The following WWOX variants were observed in gnomAD, a reference collection of about 807,000 sequenced individuals.
WWOX encodes WW domain containing oxidoreductase.
In WWOX, 69 loss-of-function variants were observed where a neutral mutation model predicts 46.2. The ratio of observed to expected loss-of-function variants is 1.49; its 90% CI spans 1.23 to 1.82. WWOX has a LOEUF of 1.82. Among genes scored for constraint, WWOX ranks in the 40% most tolerant of loss-of-function variants. The probability of loss-of-function intolerance (pLI) is 0.00; values close to 1 mark genes in which losing one functional copy is unlikely to be tolerated. For missense variants in WWOX, 919 were observed against 542.6 expected (o/e 1.69, Z -6.89); for synonymous variants, 359 against 202.6 (o/e 1.77, Z -6.56).
chr16:78,968,534 G>T (rs17636262), intron 8 of WWOX, among the ~76,000 whole-genome samples: 1 of 152,042 alleles, frequency 6.6e-6, no homozygotes, highest in Non-Finnish European at 1.5e-5. Context: ...GGGACATTAT[G>T]ATGACTGTTA....
At chr16:78,314,538 T>C (rs2080315869) in intron 5 of WWOX, among the ~76,000 whole-genome samples, 1 of 149,754 alleles carries the variant, frequency 6.7e-6, no homozygotes, top group Non-Finnish European at 1.5e-5. Flanking sequence ...TTTTTTTTTT[T>C]TTTGAGTCGG....
intron 5 of WWOX, among the ~76,000 whole-genome samples, chr16:78,263,007 C>T (rs1203078561): frequency 2.0e-5 from 3 of 152,188 alleles, no homozygotes; most frequent in Non-Finnish European, 4.4e-5. Context: ...TCAGGGCATG[C>T]TCTGTCTCCA....
chr16:78,796,968 G>T (rs140073557), intron 8 of WWOX, among the ~76,000 whole-genome samples: 3 of 152,038 alleles, frequency 2.0e-5, no homozygotes, highest in African/African-American at 7.3e-5. Flanking sequence ...TGGGATTATA[G>T]GCATGAGCCA....
chr16:78,147,092 A>C (rs1341834893), intron 4 of WWOX, among the ~76,000 whole-genome samples: 1 of 152,254 alleles, frequency 6.6e-6, no homozygotes, highest in Non-Finnish European at 1.5e-5. Flanking sequence ...AAACTTTAAA[A>C]AGTAATTATC....
intron 8 of WWOX, among the ~76,000 whole-genome samples, chr16:78,903,719 C>T (rs549258552): frequency 6.6e-6 from 1 of 152,184 alleles, no homozygotes; most frequent in Non-Finnish European, 1.5e-5. Flanking sequence ...AGGCACGTGT[C>T]TTCTTCAAGC....
intron 8 of WWOX, among the ~76,000 whole-genome samples, chr16:78,811,162 C>T (rs1378675717): frequency 6.6e-6 from 1 of 152,140 alleles, no homozygotes. Flanking sequence ...AATTCAGTAT[C>T]CGAAAAACAA....
At chr16:78,854,392 A>G (rs935888228) in intron 8 of WWOX, among the ~76,000 whole-genome samples, 2 of 152,240 alleles carry the variant, frequency 1.3e-5, no homozygotes, top group Admixed American at 6.5e-5. Context: ...ATTATCATGA[A>G]ACACATTCTA....
rs572261983 is a variant in WWOX, at chr16:78,947,213, C to T, written c.1057-264395C>T. ...TAACAATGAAATAAATTAGGATAAT[C>T]CAACTGGAGGCCTGCAAATGAGTTT... On this transcript the variant is annotated intron_variant, in intron 8 of 8. Transcript: ENST00000566780. Among the ~76,000 whole-genome samples the T allele has an allele frequency of 3.9e-5, 6 of 151,916 alleles. No homozygotes were observed. In the South Asian group the frequency reaches 6.3e-4, roughly 16 times the overall value.
chr16:78,709,369 G>A (rs1048147897), intron 8 of WWOX, among the ~76,000 whole-genome samples: 14 of 152,216 alleles, frequency 9.2e-5, no homozygotes, highest in Admixed American at 2.6e-4. Flanking sequence ...AGGAAAGCCC[G>A]CGATTCTCGG....
At chr16:79,142,196 A>T (rs781520996) in intron 8 of WWOX, among the ~76,000 whole-genome samples, 1 of 152,160 alleles carries the variant, frequency 6.6e-6, no homozygotes, top group South Asian at 2.1e-4. Flanking sequence ...GAGGTGACCA[A>T]GCAGACATGG....
intron 5 of WWOX, among the ~76,000 whole-genome samples, chr16:78,185,605 A>C (rs995520446): frequency 6.6e-6 from 1 of 152,032 alleles, no homozygotes; most frequent in East Asian, 1.9e-4. Context: ...AATGCTGGAG[A>C]TATGCGTTCA....
At chr16:78,571,561 A>C (rs2044716613) in intron 8 of WWOX, among the ~76,000 whole-genome samples, 1 of 152,134 alleles carries the variant, frequency 6.6e-6, no homozygotes, top group South Asian at 2.1e-4. Context: ...GGATGTTCAA[A>C]CTCATCAGTT....
chr16:78,530,699 C>T (rs569509615), intron 8 of WWOX, among the ~76,000 whole-genome samples: 2 of 152,178 alleles, frequency 1.3e-5, no homozygotes, highest in African/African-American at 2.4e-5. Flanking sequence ...GCCCTCACCA[C>T]GGACCTGCCC....
chr16:78,434,415 G>A (rs1206867819), intron 8 of WWOX, among the ~76,000 whole-genome samples: 2 of 152,144 alleles, frequency 1.3e-5, no homozygotes, highest in African/African-American at 4.8e-5. Flanking sequence ...TTTGACCATG[G>A]TTATGCCTCA....
At chr16:78,145,081 C>G (rs1467684999) in intron 4 of WWOX, among the ~76,000 whole-genome samples, 1 of 152,122 alleles carries the variant, frequency 6.6e-6, no homozygotes, top group East Asian at 1.9e-4. Context: ...TTTATTGTCT[C>G]ATAGTTCTGT....
chr16:79,211,288 TACCA>T (rs2051735877), intron 8 of WWOX, among the ~76,000 whole-genome samples: 3 of 152,206 alleles, frequency 2.0e-5, no homozygotes, highest in Non-Finnish European at 4.4e-5. Context: ...TTCAGAAGGA[TACCA>T]TCTTTTTCTC....
intron 8 of WWOX, among the ~76,000 whole-genome samples, chr16:79,024,959 G>C (rs769995907): frequency 6.6e-6 from 1 of 152,188 alleles, no homozygotes; most frequent in African/African-American, 2.4e-5. Context: ...AGAGTGATGT[G>C]AGGCCTACAC....
chr16:78,308,313 G>A (rs898974659), intron 5 of WWOX, among the ~76,000 whole-genome samples: 1 of 152,128 alleles, frequency 6.6e-6, no homozygotes, highest in African/African-American at 2.4e-5. Context: ...TGGGCCAAGG[G>A]GATTCCGAAA....
intron 8 of WWOX, among the ~76,000 whole-genome samples, chr16:78,458,308 T>G (rs1438834964): frequency 1.3e-5 from 2 of 149,716 alleles, no homozygotes; most frequent in Non-Finnish European, 3.0e-5. Context: ...TTATTCAGGC[T>G]AGAGTACAGT....
Sources: gnomAD v4.1 joint callset for allele counts (sites outside exome capture counted in the v4.1 genomes callset) on GRCh38, gnomAD v4.1.1 for gene constraint, MANE v1.5 for transcripts, NCBI Gene and HGNC (gene_info 2026-07-23, HGNC 2026-07-21) for gene names.